TNIP3: variants seen among roughly 807,000 people sequenced by gnomAD.
TNIP3 encodes TNFAIP3-interacting protein 3.
TNIP3 carries 34 observed loss-of-function variants against 54.1 expected under a neutral mutation model. The ratio of observed to expected loss-of-function variants is 0.63; its 90% CI spans 0.48 to 0.84. The LOEUF (loss-of-function observed/expected upper bound fraction) is 0.84. Ranked by LOEUF, TNIP3 falls within the 40% of genes least tolerant of loss-of-function variation. The pLI, the probability that TNIP3 is intolerant of heterozygous loss-of-function variation, is 0.00. For missense variants in TNIP3, 366 were observed against 387.6 expected (o/e 0.94, Z 0.47); for synonymous variants, 134 against 136.8 (o/e 0.98, Z 0.14).
chr4:121,171,000 G>A (rs906320112), intron 3 of TNIP3, among the ~76,000 whole-genome samples: 2 of 152,024 alleles, frequency 1.3e-5, no homozygotes, highest in Non-Finnish European at 2.9e-5. Flanking sequence ...ACTTTTAGTA[G>A]AGTTGGGGTT....
chr4:121,209,789 T>G (rs917207680), intron 2 of TNIP3, among the ~76,000 whole-genome samples: 1 of 152,228 alleles, frequency 6.6e-6, no homozygotes, highest in Admixed American at 6.5e-5. Context: ...ATTTTAGTTA[T>G]GCAACTTTTA....
Position 121,141,904 on chromosome 4 carries a change from G to A in TNIP3, c.797C>T (p.Pro266Leu). 6.3e-7 allele frequency: 1 copy of A among 1,597,488 alleles called. No homozygotes were observed. The highest frequency in any genetic ancestry group is 8.5e-7 in the Non-Finnish European group (1 of 1,172,236). The change falls in exon 9 of 11, where the codon CCA becomes CTA. Residue 266 changes from proline (P) to leucine (L), a missense_variant. Physicochemically the swap from Pro to Leu is moderately conservative, Grantham distance 98 (BLOSUM62 -3). Transcript: ENST00000057513. Reference protein sequence around the residue: ...LEKQLKQMYCPPCNCGLVFHL... With the variant: ...LEKQLKQMYCLPCNCGLVFHL... ...GAAAACCAAGCCGCAGTTACAGGGT[G>A]GGCAATACATCTGAGGAGAACAAAA...
At chr4:121,165,015 T>C (rs976453975), upstream of TNIP3, among the ~76,000 whole-genome samples, 2 of 151,720 alleles carry the variant, frequency 1.3e-5, no homozygotes, top group Non-Finnish European at 2.9e-5. Context: ...GCTGCATAAG[T>C]GAACTGCGAT....
chr4:121,214,046 A>G (rs1726640660), intron 2 of TNIP3, among the ~76,000 whole-genome samples: 1 of 152,176 alleles, frequency 6.6e-6, no homozygotes, highest in African/African-American at 2.4e-5. Flanking sequence ...CATAATATCA[A>G]TACGTAGGAC....
chr4:121,207,633 A>C (rs1242569091), intron 2 of TNIP3, among the ~76,000 whole-genome samples: 2 of 152,208 alleles, frequency 1.3e-5, no homozygotes, highest in Non-Finnish European at 2.9e-5. Flanking sequence ...AGCAATGTAG[A>C]CAAGGAGACC....
At chr4:121,148,477 C>T (rs1055394357) in intron 6 of TNIP3, among the ~76,000 whole-genome samples, 6 of 152,070 alleles carry the variant, frequency 3.9e-5, no homozygotes, top group African/African-American at 7.2e-5. Flanking sequence ...ATGCGAGTTC[C>T]GAAGATGTCA....
chr4:121,170,396 G>A (rs1438553658), intron 3 of TNIP3, among the ~76,000 whole-genome samples: 4 of 152,132 alleles, frequency 2.6e-5, no homozygotes, highest in East Asian at 3.8e-4. Flanking sequence ...AATGACCACG[G>A]GGATACACAA....
chr4:121,145,979 T>TAAA (rs546016749), intron 7 of TNIP3, among the ~76,000 whole-genome samples: 6 of 137,432 alleles, frequency 4.4e-5, no homozygotes, highest in African/African-American at 1.6e-4. Context: ...CACCATCTCA[T>TAAA]AAAAAAAAAA....
At chr4:121,220,009 A>T (rs1726965054), upstream of TNIP3, among the ~76,000 whole-genome samples, 2 of 152,186 alleles carry the variant, frequency 1.3e-5, no homozygotes, top group Non-Finnish European at 2.9e-5. Context: ...CTAAACCATC[A>T]TGAAAATTAC....
intron 2 of TNIP3, among the ~76,000 whole-genome samples, chr4:121,197,112 A>G (rs1396646069): frequency 6.6e-6 from 1 of 152,136 alleles, no homozygotes; most frequent in Non-Finnish European, 1.5e-5. Context: ...GCTATTTATC[A>G]GTGCAATATA....
intron 1 of TNIP3, 110 bp from the exon 2 acceptor site, chr4:121,161,326 A>AT (rs11399717): frequency 0.27 from 236,844 of 862,560 alleles, 36,214 homozygotes; most frequent in African/African-American, 0.55. Context: ...GTTGCGATTT[A>AT]AAAAATACCT....
upstream of TNIP3, among the ~76,000 whole-genome samples, chr4:121,165,842 T>C (rs1016534468): frequency 6.6e-6 from 1 of 152,212 alleles, no homozygotes; most frequent in Non-Finnish European, 1.5e-5. Flanking sequence ...ACATAAGATC[T>C]GACTTTAGGG....
intron 2 of TNIP3, among the ~76,000 whole-genome samples, chr4:121,186,233 G>A (rs924146635): frequency 2.0e-5 from 3 of 152,160 alleles, no homozygotes; most frequent in Non-Finnish European, 4.4e-5. Flanking sequence ...GACGTGGGGG[G>A]GTTTGGTCAC....
At chr4:121,168,223 T>C (rs1023568939), upstream of TNIP3, among the ~76,000 whole-genome samples, 3 of 152,160 alleles carry the variant, frequency 2.0e-5, no homozygotes, top group Non-Finnish European at 4.4e-5. Context: ...TTCTTTTTTT[T>C]TGAGACAGAG....
At position 121,132,620 on chromosome 4, in the gene TNIP3, AG is replaced by A; in HGVS notation, c.*10del. 1 of 1,612,676 alleles carries A rather than the reference AG, an allele frequency of 6.2e-7. No individual in the cohort carries two copies. Among genetic ancestry groups the A allele is most frequent in the East Asian group, 2.2e-5 (1 of 44,870 alleles). ...TCGTTGCCTGTTGTCTCTCTCTGTT[AG>A]TGTGTACTTCTACGGATGGACTTTC... On this transcript the variant is annotated 3_prime_UTR_variant, in exon 11 of 11. Coordinates refer to ENST00000057513, the MANE Select transcript of TNIP3 (RefSeq NM_024873.6).
intron 9 of TNIP3, among the ~76,000 whole-genome samples, chr4:121,141,284 T>C (rs1437196962): frequency 1.3e-5 from 2 of 152,210 alleles, no homozygotes; most frequent in Non-Finnish European, 2.9e-5. Context: ...AAATAATTGC[T>C]CAACTCTGCA....
chr4:121,182,870 T>C (rs1399817415), intron 2 of TNIP3: 18 of 1,423,642 alleles, frequency 1.3e-5, no homozygotes, highest in Non-Finnish European at 1.7e-5. Context: ...AGTGAGTTTA[T>C]GGATGACATG....
chr4:121,140,325 T>C (rs1183646844), intron 9 of TNIP3, among the ~76,000 whole-genome samples: 1 of 151,674 alleles, frequency 6.6e-6, no homozygotes, highest in African/African-American at 2.4e-5. Context: ...CAGAGCGAGA[T>C]GCCTTCTCAA....
At chr4:121,175,831 T>A (rs1054150389) in intron 3 of TNIP3, among the ~76,000 whole-genome samples, 14 of 152,262 alleles carry the variant, frequency 9.2e-5, no homozygotes, top group Non-Finnish European at 1.8e-4. Flanking sequence ...TTAATTTTTA[T>A]GAGTTTTAAT....
Sources: allele counts gnomAD v4.1 joint callset (sites outside exome capture counted in the v4.1 genomes callset), GRCh38; gene constraint gnomAD v4.1.1; transcripts MANE v1.5; gene names NCBI Gene and HGNC (gene_info 2026-07-23, HGNC 2026-07-21).